MYO1D: variants seen among roughly 807,000 people sequenced by gnomAD.
The protein encoded by MYO1D is myosin ID, also known as unconventional myosin-Id.
In MYO1D, 83 loss-of-function variants were observed where a neutral mutation model predicts 122.0. The ratio of observed to expected loss-of-function variants is 0.68; its 90% confidence interval spans 0.57 to 0.82. MYO1D has a LOEUF of 0.82. MYO1D is among the 40% of genes least tolerant of loss of function. MYO1D has a pLI of 0.00. For missense variants in MYO1D, 1,157 were observed against 1,269.5 expected, an observed-to-expected ratio of 0.91 and a Z score of 1.35; for synonymous variants, 464 against 446.9, an observed-to-expected ratio of 1.04 and a Z score of -0.48.
chr17:32,566,962 G>C (rs1177289058), intron 21 of MYO1D, among the ~76,000 whole-genome samples: 2 of 119,932 alleles, frequency 1.7e-5, no homozygotes, highest in Admixed American at 1.7e-4. Context: ...GGGACTGAGG[G>C]CAGAACGGTT....
At chr17:32,637,824 C>T (rs193254737) in intron 20 of MYO1D, among the ~76,000 whole-genome samples, 236 of 152,242 alleles carry the variant, frequency 1.6e-3, no homozygotes, top group African/African-American at 5.4e-3. Flanking sequence ...TAGTCTAAAT[C>T]ATTCTAAAGC....
chr17:32,603,768 G>A (rs1320044415), intron 21 of MYO1D, among the ~76,000 whole-genome samples: 1 of 151,772 alleles, frequency 6.6e-6, no homozygotes, highest in Non-Finnish European at 1.5e-5. Flanking sequence ...CTCGTGATCC[G>A]CCCGCCTCAG....
chr17:32,803,647 C>G (rs1180671437), intron 1 of MYO1D, among the ~76,000 whole-genome samples: 1 of 152,106 alleles, frequency 6.6e-6, no homozygotes, highest in African/African-American at 2.4e-5. Flanking sequence ...TCTGAAAGTT[C>G]TAACAACATA....
At chr17:32,519,663 C>A (rs1039194151) in intron 21 of MYO1D, among the ~76,000 whole-genome samples, 1 of 151,912 alleles carries the variant, frequency 6.6e-6, no homozygotes, top group Non-Finnish European at 1.5e-5. Flanking sequence ...CCCTCCCAGC[C>A]CGCCTGCCCG....
At chr17:32,545,137 T>C (rs1374024416) in intron 21 of MYO1D, among the ~76,000 whole-genome samples, 2 of 152,098 alleles carry the variant, frequency 1.3e-5, no homozygotes, top group Non-Finnish European at 2.9e-5. Context: ...TGGCCCCGAG[T>C]CTGCATCTCT....
At chr17:32,625,584 C>T (rs1393514389) in intron 20 of MYO1D, among the ~76,000 whole-genome samples, 1 of 151,548 alleles carries the variant, frequency 6.6e-6, no homozygotes, top group Non-Finnish European at 1.5e-5. Context: ...GGGTCTCGCT[C>T]TATTGCCCAG....
chr17:32,715,342 C>G (rs1381147070), intron 15 of MYO1D, among the ~76,000 whole-genome samples: 4 of 152,150 alleles, frequency 2.6e-5, no homozygotes, highest in Non-Finnish European at 4.4e-5. Flanking sequence ...AAATCATTCA[C>G]AGGGCTTTTC....
chr17:32,549,028 T>A (rs889981762), intron 21 of MYO1D, among the ~76,000 whole-genome samples: 7 of 152,170 alleles, frequency 4.6e-5, no homozygotes, highest in African/African-American at 1.4e-4. Context: ...TTAATTATTT[T>A]TATATATATC....
chr17:32,752,384 C>T (rs2089907096), intron 11 of MYO1D, among the ~76,000 whole-genome samples: 1 of 151,974 alleles, frequency 6.6e-6, no homozygotes, highest in Non-Finnish European at 1.5e-5. Context: ...AATTTATGAC[C>T]AAGACCTCAA....
chr17:32,581,529 C>A (rs1443379334), intron 21 of MYO1D, among the ~76,000 whole-genome samples: 1 of 150,150 alleles, frequency 6.7e-6, no homozygotes, highest in Non-Finnish European at 1.5e-5. Flanking sequence ...TTCTCTCTCT[C>A]TTCCTTCCTC....
chr17:32,863,242 A>G (rs537231160), intron 1 of MYO1D, among the ~76,000 whole-genome samples: 1 of 152,346 alleles, frequency 6.6e-6, no homozygotes, highest in African/African-American at 2.4e-5. Context: ...GGGCAGTAAT[A>G]TGTTTTAGAG....
At chr17:32,860,064 C>A (rs1598161708) in intron 1 of MYO1D, among the ~76,000 whole-genome samples, 1 of 152,232 alleles carries the variant, frequency 6.6e-6, no homozygotes, top group South Asian at 2.1e-4. Context: ...GCTTCCTAAG[C>A]AAGGAGCACA....
intron 16 of MYO1D, among the ~76,000 whole-genome samples, chr17:32,669,898 T>C (rs1308540472): frequency 6.6e-6 from 1 of 151,598 alleles, no homozygotes; most frequent in Admixed American, 6.6e-5. Flanking sequence ...TCTTTTTCTT[T>C]TTTCTTTTTT....
At chr17:32,832,308 G>A (rs995694809) in intron 1 of MYO1D, among the ~76,000 whole-genome samples, 2 of 118,006 alleles carry the variant, frequency 1.7e-5, no homozygotes, top group African/African-American at 6.6e-5. Flanking sequence ...TTTTTTTTTT[G>A]TATTTTTTTT....
intron 1 of MYO1D, among the ~76,000 whole-genome samples, chr17:32,789,382 A>G (rs1304107625): frequency 6.6e-6 from 1 of 152,198 alleles, no homozygotes; most frequent in Non-Finnish European, 1.5e-5. Context: ...TTCCCCATTC[A>G]GTATGATGTT....
chr17:32,632,604 CACACACACACACACACACACACAT>C (rs2088032209), intron 20 of MYO1D: 1 of 149,918 alleles, frequency 6.7e-6, no homozygotes, highest in Non-Finnish European at 1.5e-5. Flanking sequence ...CACACACACA[CACACACACACACACACACACACAT>C]ATATATATAT....
At chr17:32,824,327 T>A (rs1428411441) in intron 1 of MYO1D, among the ~76,000 whole-genome samples, 3 of 152,206 alleles carry the variant, frequency 2.0e-5, no homozygotes, top group Non-Finnish European at 4.4e-5. Flanking sequence ...AATAGACTAA[T>A]AAACTTTCAT....
At chr17:32,568,837 C>T (rs138381729) in intron 21 of MYO1D, among the ~76,000 whole-genome samples, 156 of 152,322 alleles carry the variant, frequency 1.0e-3, no homozygotes, top group African/African-American at 3.6e-3. Flanking sequence ...CAGAGCAGCT[C>T]GAAGTGCAGT....
At chr17:32,741,224 TAAA>T (rs58505921) in intron 13 of MYO1D, among the ~76,000 whole-genome samples, 3 of 100,300 alleles carry the variant, frequency 3.0e-5, no homozygotes, top group Non-Finnish European at 2.1e-5. Flanking sequence ...ATACCACTTC[TAAA>T]AAAAAAAAAA....
Sources: gnomAD v4.1 joint callset for allele counts (sites outside exome capture counted in the v4.1 genomes callset) on GRCh38, gnomAD v4.1.1 for gene constraint, MANE v1.5 for transcripts, NCBI Gene and HGNC (gene_info 2026-07-23, HGNC 2026-07-21) for gene names.